EVC: variants seen among roughly 807,000 people sequenced by gnomAD.
EVC encodes the protein EvC ciliary complex subunit 1.
EVC carries 116 observed loss-of-function variants against 118.9 expected under a neutral mutation model. The ratio of observed to expected loss-of-function variants is 0.98; its 90% confidence interval spans 0.84 to 1.14. The LOEUF is 1.14. EVC is among the 50% of genes most tolerant of loss of function. The pLI is 0.00. For missense variants in EVC, 1,401 were observed against 1,246.4 expected (o/e 1.12, Z -1.87); for synonymous variants, 619 against 534.7 (o/e 1.16, Z -2.18).
At chr4:5,732,984 T>A (rs1261217549) in intron 4 of EVC, among the ~76,000 whole-genome samples, 4 of 152,246 alleles carry the variant, frequency 2.6e-5, no homozygotes, top group Admixed American at 2.6e-4. Context: ...CACTCCAGCC[T>A]GGGAGACAGA....
At chr4:5,762,636 A>C (rs1043244225) in intron 11 of EVC, among the ~76,000 whole-genome samples, 22 of 149,666 alleles carry the variant, frequency 1.5e-4, no homozygotes, top group Middle Eastern at 3.5e-3. Context: ...TTTGATTTGC[A>C]TTTCTCTGAT....
chr4:5,817,100 C>T (rs563114440), downstream of EVC, among the ~76,000 whole-genome samples: 80 of 152,372 alleles, frequency 5.3e-4, no homozygotes, highest in African/African-American at 1.8e-3. Context: ...AAATCCCCTG[C>T]ACCAGGCATT....
chr4:5,751,494 G>T (rs1468707605), intron 8 of EVC, among the ~76,000 whole-genome samples: 3 of 152,248 alleles, frequency 2.0e-5, no homozygotes, highest in African/African-American at 7.2e-5. Flanking sequence ...ACCCTCTAGG[G>T]TTCACGGGCT....
intron 12 of EVC, among the ~76,000 whole-genome samples, chr4:5,787,032 A>T (rs1434064755): frequency 6.6e-6 from 1 of 152,238 alleles, no homozygotes; most frequent in African/African-American, 2.4e-5. Flanking sequence ...TCAAAAACAC[A>T]TCGACTACAA....
chr4:5,714,651 G>A (rs1723650412), intron 1 of EVC, among the ~76,000 whole-genome samples: 1 of 152,108 alleles, frequency 6.6e-6, no homozygotes, highest in East Asian at 1.9e-4. Context: ...AGGGGAATTT[G>A]GTTAAATTTG....
intron 15 of EVC, among the ~76,000 whole-genome samples, chr4:5,799,947 A>G (rs1200169889): frequency 2.6e-5 from 4 of 152,226 alleles, no homozygotes; most frequent in African/African-American, 9.6e-5. Context: ...ATGAAAATGG[A>G]GTAAGATAGA....
chr4:5,798,568 C>CA lies in EVC; in HGVS notation c.2098-17dup. ...GAGAGGAGCACTTGGCCCCTGCTCC[C>CA]AGTCCTTTCCCTCCCAGGAGGCGCG... On this transcript the variant is annotated splice_polypyrimidine_tract_variant and intron_variant, in intron 14 of 20. Coordinates refer to ENST00000264956, the MANE Select transcript of EVC (RefSeq NM_153717.3). This position sits in a 1 kb window ranked among gnomAD's most constrained non-coding sequence, Gnocchi z 4.1. 6.4e-7 allele frequency: 1 copy of CA among 1,552,238 alleles called. No homozygotes were observed. The highest frequency in any genetic ancestry group is 8.7e-7 in the Non-Finnish European group (1 of 1,148,458).
intron 8 of EVC, among the ~76,000 whole-genome samples, chr4:5,752,156 G>A (rs1356772914): frequency 6.6e-6 from 1 of 152,102 alleles, no homozygotes; most frequent in Non-Finnish European, 1.5e-5. Context: ...TGCAGAGTCT[G>A]TGCCGAGGGA....
chr4:5,745,584 T>G (rs918964471), intron 7 of EVC, among the ~76,000 whole-genome samples: 1 of 152,212 alleles, frequency 6.6e-6, no homozygotes, highest in Non-Finnish European at 1.5e-5. Flanking sequence ...AATTTCAGAT[T>G]GGTCTTTTTA....
the EVC span, chr4:5,824,163 A>C: frequency 3.6e-6 from 1 of 281,380 alleles, no homozygotes; most frequent in Non-Finnish European, 5.4e-6. Flanking sequence ...TGCAGTGTTT[A>C]ATTGCATAAC....
At position 5,719,391 on chromosome 4, in the gene EVC, G is replaced by A. The variant is rs753307159; in HGVS notation, c.300+18G>A. The A allele has an allele frequency of 3.1e-6, 5 of 1,614,056 alleles. No individual in the cohort carries two copies. In the South Asian group the frequency reaches 5.5e-5, roughly 18 times the overall value. ...CTGTTGATGTAAGCTTGGTGTTGAT[G>A]TTTGTTTGTGGAGGCACATGTGGGA... On this transcript the variant is annotated intron_variant, in intron 2 of 20. Transcript: ENST00000264956. The surrounding 1 kb of genome is among the most constrained non-coding windows in gnomAD (Gnocchi z 4.7).
At chr4:5,785,246 C>G (rs950132415) in intron 12 of EVC, among the ~76,000 whole-genome samples, 1 of 152,216 alleles carries the variant, frequency 6.6e-6, no homozygotes, top group African/African-American at 2.4e-5. Context: ...AGGCAGCCTG[C>G]GTGAGCCTGG....
chr4:5,822,966 C>T, the EVC span, among the ~76,000 whole-genome samples: 1 of 152,246 alleles, frequency 6.6e-6, no homozygotes. Context: ...TCCTTTCTTG[C>T]TGACCTACCC....
intron 11 of EVC, among the ~76,000 whole-genome samples, chr4:5,777,825 G>T (rs1734932169): frequency 7.7e-6 from 1 of 130,160 alleles, no homozygotes; most frequent in Non-Finnish European, 1.6e-5. Context: ...ACATTGATTT[G>T]AATGAAATTT....
the EVC span, chr4:5,827,979 C>T: frequency 7.1e-3 from 6,664 of 944,978 alleles, 23 homozygotes; most frequent in Non-Finnish European, 7.6e-3. Flanking sequence ...AAATAAGGAA[C>T]GACAGGGCAG....
At chr4:5,745,054 C>A in intron 6 of EVC, 150 bp from the exon 7 acceptor site, 3 of 661,318 alleles carry the variant, frequency 4.5e-6, no homozygotes, top group East Asian at 3.2e-5. Flanking sequence ...ATGGGTCAAA[C>A]CTCATGTACA....
intron 11 of EVC, among the ~76,000 whole-genome samples, chr4:5,769,342 C>T (rs1047398991): frequency 2.0e-5 from 3 of 152,142 alleles, no homozygotes; most frequent in African/African-American, 7.2e-5. Context: ...CAGTTACCTC[C>T]CACTGGGCCA....
chr4:5,759,333 C>T (rs771497301), intron 11 of EVC, among the ~76,000 whole-genome samples: 15 of 152,246 alleles, frequency 9.9e-5, no homozygotes, highest in Non-Finnish European at 1.9e-4. Flanking sequence ...GTTTGGTCGC[C>T]GCATCCCAAG....
In EVC at chr4:5,748,537, C is replaced by T. The variant is rs199978696; in HGVS notation, c.1098+231C>T. On this transcript the variant is annotated intron_variant, in intron 8 of 20. Transcript: ENST00000264956. ...CCTTCCATCCATCCATCCATCTACC[C>T]ATCCATCCATCTGCCCTCCCACCCA... Among the ~76,000 whole-genome samples, 18,663 of 85,820 alleles carry T rather than the reference C, an allele frequency of 0.22. 4,522 individuals are homozygous for T. The highest frequency in any genetic ancestry group is 0.39 in the East Asian group (935 of 2,408). 56.3% of individuals were successfully genotyped at this position (85,820 alleles called of 152,430 possible). A position where few individuals can be genotyped will look rare whatever the true frequency, so the allele number is the denominator to read the frequency against.
Sources: gnomAD v4.1 joint callset for allele counts (sites outside exome capture counted in the v4.1 genomes callset) on GRCh38, gnomAD v4.1.1 for gene constraint, Gnocchi (gnomAD v3.1) non-coding constraint, MANE v1.5 for transcripts, NCBI Gene and HGNC (gene_info 2026-07-23, HGNC 2026-07-21) for gene names.